Variants in RGPD6 observed in about 807,000 individuals in gnomAD.
The protein encoded by RGPD6 is RANBP2 like and GRIP domain containing 6.
the RGPD6 span, among the ~76,000 whole-genome samples, chr2:110,605,839 G>A: frequency 1.7e-4 from 25 of 151,292 alleles, no homozygotes; most frequent in Non-Finnish European, 3.5e-4. Context: ...CCACCACGTG[G>A]TTTTCCTCCT....
chr2:110,608,489 A>C, the RGPD6 span, among the ~76,000 whole-genome samples: 1 of 147,264 alleles, frequency 6.8e-6, no homozygotes, highest in African/African-American at 2.6e-5. Context: ...AAGTAACCAT[A>C]AACTTAAAAA....
At chr2:110,592,761 C>G in the RGPD6 span, among the ~76,000 whole-genome samples, 1 of 138,090 alleles carries the variant, frequency 7.2e-6, no homozygotes, top group South Asian at 2.5e-4. Context: ...AGCCTGGCGA[C>G]AGAGTGAGAC....
At chr2:110,593,154 G>T in the RGPD6 span, among the ~76,000 whole-genome samples, 2 of 147,992 alleles carry the variant, frequency 1.4e-5, no homozygotes, top group Admixed American at 1.3e-4. Context: ...TCTTACAACA[G>T]CCCTTAGAGT....
At chr2:110,600,742 C>T in the RGPD6 span, among the ~76,000 whole-genome samples, 106 of 71,840 alleles carry the variant, frequency 1.5e-3, no homozygotes, top group African/African-American at 4.9e-3. Context: ...AGGGTTCATG[C>T]TTCTGTGAGA....
chr2:110,604,877 T>C, the RGPD6 span, among the ~76,000 whole-genome samples: 1 of 149,060 alleles, frequency 6.7e-6, no homozygotes, highest in Non-Finnish European at 1.5e-5. Flanking sequence ...TCTCCCAAAA[T>C]AGATTCTTAG....
At chr2:110,606,886 G>C in the RGPD6 span, among the ~76,000 whole-genome samples, 2 of 151,556 alleles carry the variant, frequency 1.3e-5, no homozygotes, top group African/African-American at 4.9e-5. Context: ...TGAATCACCA[G>C]TGTTGAAAAC....
chr2:110,607,224 G>A, the RGPD6 span, among the ~76,000 whole-genome samples: 66 of 151,116 alleles, frequency 4.4e-4, 1 homozygote, highest in Admixed American at 1.5e-3. Flanking sequence ...TAAACTCACG[G>A]AATGCCCAAC....
At chr2:110,589,472 A>G in the RGPD6 span, among the ~76,000 whole-genome samples, 2 of 152,200 alleles carry the variant, frequency 1.3e-5, no homozygotes, top group African/African-American at 4.8e-5. Flanking sequence ...GAACAACGGT[A>G]TTTTTCATTT....
chr2:110,607,607 A>G, the RGPD6 span, among the ~76,000 whole-genome samples: 7 of 149,490 alleles, frequency 4.7e-5, no homozygotes, highest in Admixed American at 2.6e-4. Context: ...TGTGACTGCA[A>G]GAATAAACTA....
chr2:110,608,648 G>A, the RGPD6 span, among the ~76,000 whole-genome samples: 1 of 78,776 alleles, frequency 1.3e-5, no homozygotes, highest in African/African-American at 5.3e-5. Flanking sequence ...TTCTACATCT[G>A]CAAAACTAGA....
chr2:110,592,933 CTAT>C, the RGPD6 span, among the ~76,000 whole-genome samples: 1 of 146,652 alleles, frequency 6.8e-6, no homozygotes, highest in Non-Finnish European at 1.5e-5. Context: ...GGGCTTGAAA[CTAT>C]TACCAAGGTT....
the RGPD6 span, among the ~76,000 whole-genome samples, chr2:110,608,486 C>G: frequency 2.0e-5 from 3 of 146,784 alleles, no homozygotes; most frequent in Non-Finnish European, 4.5e-5. Flanking sequence ...TAAAAGTAAC[C>G]ATAAACTTAA....
chr2:110,605,931 GC>G, the RGPD6 span, among the ~76,000 whole-genome samples: 1 of 151,470 alleles, frequency 6.6e-6, no homozygotes, highest in African/African-American at 2.4e-5. Flanking sequence ...AACAGGATGT[GC>G]CCATGCCCCC....
chr2:110,596,785 A>AC, the RGPD6 span, among the ~76,000 whole-genome samples: 1 of 135,270 alleles, frequency 7.4e-6, no homozygotes, highest in Non-Finnish European at 1.6e-5. Context: ...GTTTAATTAG[A>AC]ATTCCACTAG....
chr2:110,610,679 T>TCCCG, the RGPD6 span, among the ~76,000 whole-genome samples: 1 of 127,958 alleles, frequency 7.8e-6, no homozygotes, highest in Non-Finnish European at 1.6e-5. Context: ...CCCTCGCCGC[T>TCCCG]CCCGCCCGCC....
the RGPD6 span, among the ~76,000 whole-genome samples, chr2:110,594,182 T>C: frequency 6.8e-6 from 1 of 147,826 alleles, no homozygotes; most frequent in Non-Finnish European, 1.5e-5. Flanking sequence ...CATATGACCA[T>C]CTCAATACAT....
At chr2:110,589,392 TTAAAA>T in the RGPD6 span, among the ~76,000 whole-genome samples, 1 of 152,036 alleles carries the variant, frequency 6.6e-6, no homozygotes, top group Non-Finnish European at 1.5e-5. Context: ...AAAACGGCTC[TTAAAA>T]TAATGCATTT....
chr2:110,606,617 G>GTTCT, the RGPD6 span, among the ~76,000 whole-genome samples: 1 of 130,828 alleles, frequency 7.6e-6, no homozygotes, highest in Non-Finnish European at 1.6e-5. Flanking sequence ...TGACTACAAA[G>GTTCT]TTCTGCATCT....
chr2:110,589,538 G>C, the RGPD6 span, among the ~76,000 whole-genome samples: 3 of 151,934 alleles, frequency 2.0e-5, no homozygotes, highest in Non-Finnish European at 4.4e-5. Context: ...TTGCAGTTCA[G>C]GCAAATCTAA....
Sources: gnomAD v4.1 joint callset for allele counts (sites outside exome capture counted in the v4.1 genomes callset) on GRCh38, gnomAD v4.1.1 for gene constraint, MANE v1.5 for transcripts, NCBI Gene and HGNC (gene_info 2026-07-23, HGNC 2026-07-21) for gene names.